ZNF680: variants seen among roughly 807,000 people sequenced by gnomAD.
ZNF680 encodes the protein hypothetical protein FLJ90430.
A neutral mutation model predicts 12.1 loss-of-function variants in ZNF680; 6 were observed. The ratio of observed to expected loss-of-function variants is 0.49; its 90% confidence interval spans 0.27 to 0.98. ZNF680 has a LOEUF of 0.98. ZNF680 is among the 50% of genes least tolerant of loss of function. ZNF680 has a pLI of 0.12. For missense variants in ZNF680, 561 were observed against 616.3 expected, an observed-to-expected ratio of 0.91 and a Z score of 0.95; for synonymous variants, 170 against 199.3, an observed-to-expected ratio of 0.85 and a Z score of 1.24.
chr7:64,526,597 T>C (rs1791861081), intron 3 of ZNF680: 2 of 361,208 alleles, frequency 5.5e-6, no homozygotes, highest in South Asian at 2.1e-4. Flanking sequence ...ATCATAAAAC[T>C]ATATATAAAT....
At chr7:64,525,739 C>A (rs1791804749) in intron 3 of ZNF680, 1 of 905,602 alleles carries the variant, frequency 1.1e-6, no homozygotes. Context: ...TGTAAATTAT[C>A]TTTAAATAGA....
At chr7:64,536,726 T>C (rs1386554197) in intron 3 of ZNF680, among the ~76,000 whole-genome samples, 2 of 152,232 alleles carry the variant, frequency 1.3e-5, no homozygotes, top group African/African-American at 4.8e-5. Flanking sequence ...ATGATATTCT[T>C]ATTTGCACCT....
the ZNF680 span, among the ~76,000 whole-genome samples, chr7:64,514,401 GCTAA>G: frequency 2.0e-5 from 3 of 148,200 alleles, no homozygotes; most frequent in African/African-American, 7.4e-5. Flanking sequence ...CAATTGTGCT[GCTAA>G]CTGTAACCAC....
intron 3 of ZNF680, among the ~76,000 whole-genome samples, chr7:64,539,385 ATCTTGTCCCATTTT>A: frequency 6.9e-6 from 1 of 145,892 alleles, no homozygotes; most frequent in Non-Finnish European, 1.5e-5. Flanking sequence ...AGAAAAGAAA[ATCTTGTCCCATTTT>A]ATTATAAATG....
chr7:64,516,391 G>A (rs979319415), downstream of ZNF680, among the ~76,000 whole-genome samples: 1 of 152,158 alleles, frequency 6.6e-6, no homozygotes, highest in Admixed American at 6.5e-5. Flanking sequence ...TGTAGGACCT[G>A]GGAGACAGCC....
At chr7:64,553,014 T>C (rs2116530908) in intron 1 of ZNF680, among the ~76,000 whole-genome samples, 1 of 151,630 alleles carries the variant, frequency 6.6e-6, no homozygotes, top group Admixed American at 6.6e-5. Context: ...TAGTCCCAGC[T>C]ACTCAGGAGG....
At chr7:64,548,586 T>C (rs1423759323) in intron 1 of ZNF680, among the ~76,000 whole-genome samples, 1 of 152,044 alleles carries the variant, frequency 6.6e-6, no homozygotes, top group Non-Finnish European at 1.5e-5. Flanking sequence ...CTTAAGAAAC[T>C]CTCATCTGGG....
chr7:64,519,065 G>A (rs1393058911), downstream of ZNF680, among the ~76,000 whole-genome samples: 1 of 151,948 alleles, frequency 6.6e-6, no homozygotes, highest in Non-Finnish European at 1.5e-5. Flanking sequence ...CCCACAGAGT[G>A]AGATAAAATA....
At chr7:64,502,177 T>G in the ZNF680 span, among the ~76,000 whole-genome samples, 2 of 151,732 alleles carry the variant, frequency 1.3e-5, no homozygotes, top group East Asian at 3.9e-4. Context: ...GTAATTTTAT[T>G]TATTTTTGTA....
downstream of ZNF680, among the ~76,000 whole-genome samples, chr7:64,515,040 T>A (rs1791319207): frequency 6.7e-6 from 1 of 149,078 alleles, no homozygotes; most frequent in South Asian, 2.1e-4. Context: ...CAAAACTCTG[T>A]CACACACACA....
At chr7:64,531,377 C>T (rs575268394) in intron 3 of ZNF680, among the ~76,000 whole-genome samples, 73 of 152,148 alleles carry the variant, frequency 4.8e-4, no homozygotes, top group African/African-American at 1.6e-3. Context: ...GGGCAGATCA[C>T]GAGGTCAGGA....
chr7:64,544,142 G>T, intron 2 of ZNF680, 164 bp downstream of exon 2: 1 of 1,016,380 alleles, frequency 9.8e-7, no homozygotes, highest in Non-Finnish European at 1.4e-6. Flanking sequence ...AAGATGAAAC[G>T]TACTGAAGGA....
Position 64,544,442 on chromosome 7 carries a change from ACACAC to A in ZNF680, c.31-15_31-11del. The A allele has an allele frequency of 3.3e-6, 1 of 304,902 alleles. No individual in the cohort carries two copies. The highest frequency in any genetic ancestry group is 3.5e-5 in the South Asian group (1 of 28,928). The allele number at this position is 304,902 out of a possible 1,614,324, so 18.9% of individuals were successfully genotyped here. A position where few individuals can be genotyped will look rare whatever the true frequency, so the allele number is the denominator to read the frequency against. On this transcript the variant is annotated splice_polypyrimidine_tract_variant and intron_variant, in intron 1 of 3. Coordinates refer to ENST00000309683, the MANE Select transcript of ZNF680 (RefSeq NM_178558.5). ...TAAATGTCAGTGGTCCCTGAAAAAC[ACACAC>A]ACACACACACACACACACACACACT...
chr7:64,511,772 T>A, the ZNF680 span, among the ~76,000 whole-genome samples: 1,757 of 152,190 alleles, frequency 0.012, 32 homozygotes, highest in Middle Eastern at 0.031. Context: ...TTAAAAAGCA[T>A]TATTGGCTAG....
At chr7:64,534,815 ACTACTCAG>A (rs1786072072) in intron 3 of ZNF680, among the ~76,000 whole-genome samples, 1 of 152,208 alleles carries the variant, frequency 6.6e-6, no homozygotes, top group Non-Finnish European at 1.5e-5. Flanking sequence ...TATATAGGAT[ACTACTCAG>A]CCATAAGAAG....
chr7:64,519,019 T>C (rs1231649235), downstream of ZNF680, among the ~76,000 whole-genome samples: 1 of 152,020 alleles, frequency 6.6e-6, no homozygotes, highest in African/African-American at 2.4e-5. Flanking sequence ...ACAAAGCTTC[T>C]GCAGAGCAAA....
chr7:64,541,024 C>T (rs1038021161), intron 3 of ZNF680, among the ~76,000 whole-genome samples: 7 of 152,050 alleles, frequency 4.6e-5, no homozygotes, highest in African/African-American at 1.7e-4. Flanking sequence ...AATAAAACTA[C>T]TGTAATCCAA....
intron 3 of ZNF680, chr7:64,526,201 GAAA>G (rs1465765564): frequency 2.0e-6 from 2 of 986,906 alleles, no homozygotes; most frequent in Admixed American, 5.4e-5. Flanking sequence ...AGAATGTAGG[GAAA>G]AAGTAATGTA....
chr7:64,519,142 A>C (rs1052718583), downstream of ZNF680, among the ~76,000 whole-genome samples: 3 of 151,968 alleles, frequency 2.0e-5, no homozygotes, highest in African/African-American at 4.8e-5. Context: ...ATAAACCAGC[A>C]AGAAATAAAA....
Sources: allele counts gnomAD v4.1 joint callset (sites outside exome capture counted in the v4.1 genomes callset), GRCh38; gene constraint gnomAD v4.1.1; transcripts MANE v1.5; gene names NCBI Gene and HGNC (gene_info 2026-07-23, HGNC 2026-07-21).